Variants in GPHN observed in about 807,000 individuals in gnomAD.
GPHN encodes gephyrin.
A neutral mutation model predicts 95.5 loss-of-function variants in GPHN; 17 were observed. That is an observed-to-expected ratio of 0.18 (90% CI 0.12 to 0.27). The LOEUF is 0.27. GPHN is among the 10% of genes least tolerant of loss of function. The pLI is 1.00. For synonymous variants in GPHN, 320 were observed against 322.5 expected (o/e 0.99, Z 0.08); for missense variants, 660 against 978.1 (o/e 0.67, Z 4.34).
At chr14:67,393,233 A>G in the GPHN span, 1 of 1,612,728 alleles carries the variant, frequency 6.2e-7, no homozygotes, top group Non-Finnish European at 8.5e-7. Context: ...CATCTTGTCC[A>G]CAATGCGACT....
chr14:66,646,797 A>G (rs2064772386), intron 1 of GPHN, among the ~76,000 whole-genome samples: 1 of 152,184 alleles, frequency 6.6e-6, no homozygotes, highest in African/African-American at 2.4e-5. Flanking sequence ...GTTTGGTCAC[A>G]CAACAGGGTA....
At chr14:66,633,352 CAA>C (rs36079154) in intron 1 of GPHN, among the ~76,000 whole-genome samples, 1 of 152,060 alleles carries the variant, frequency 6.6e-6, no homozygotes, top group African/African-American at 2.4e-5. Context: ...AAGGAATCAA[CAA>C]AAAGTGTTTT....
At chr14:67,651,473 G>T in the GPHN span, 1 of 1,613,768 alleles carries the variant, frequency 6.2e-7, no homozygotes, top group Non-Finnish European at 8.5e-7. Flanking sequence ...CAGCTTGTTG[G>T]TTGTCACTCT....
At chr14:67,322,135 C>G in the GPHN span, among the ~76,000 whole-genome samples, 4 of 152,138 alleles carry the variant, frequency 2.6e-5, no homozygotes, top group South Asian at 8.3e-4. Context: ...CACTTGAGTT[C>G]AGGAGTTCCA....
chr14:67,486,553 G>A, the GPHN span, among the ~76,000 whole-genome samples: 10 of 152,180 alleles, frequency 6.6e-5, no homozygotes, highest in South Asian at 4.1e-4. Flanking sequence ...GATTACAGGC[G>A]TGAGCCACAG....
chr14:66,896,670 T>G (rs929388037), intron 5 of GPHN, among the ~76,000 whole-genome samples: 2 of 152,024 alleles, frequency 1.3e-5, no homozygotes, highest in Non-Finnish European at 2.9e-5. Context: ...TTTTTTAAAG[T>G]TAAGTATGCA....
At chr14:67,680,027 C>T in the GPHN span, among the ~76,000 whole-genome samples, 1 of 152,198 alleles carries the variant, frequency 6.6e-6, no homozygotes, top group Admixed American at 6.5e-5. Flanking sequence ...GCACCACAAA[C>T]CAGCAGCAGG....
the GPHN span, among the ~76,000 whole-genome samples, chr14:67,628,170 T>A: frequency 6.6e-6 from 1 of 152,206 alleles, no homozygotes; most frequent in Admixed American, 6.5e-5. Context: ...TAGTGACCTA[T>A]TTCTTTGGGT....
At chr14:67,059,020 A>C in intron 11 of GPHN, 1 of 567,482 alleles carries the variant, frequency 1.8e-6, no homozygotes, top group Admixed American at 3.3e-5. Flanking sequence ...AAAGGAAAAA[A>C]AAAAAAAAAG....
chr14:66,595,569 A>G (rs1566673281), intron 1 of GPHN, among the ~76,000 whole-genome samples: 2 of 152,112 alleles, frequency 1.3e-5, no homozygotes, highest in South Asian at 2.1e-4. Context: ...ACAGCCAGGC[A>G]CACTAGTTGT....
chr14:67,251,351 A>G, the GPHN span, among the ~76,000 whole-genome samples: 1 of 152,168 alleles, frequency 6.6e-6, no homozygotes, highest in African/African-American at 2.4e-5. Flanking sequence ...TGGGCAACAC[A>G]GTGGGACCCT....
chr14:66,927,563 C>T (rs1211355466), intron 8 of GPHN, among the ~76,000 whole-genome samples: 1 of 152,062 alleles, frequency 6.6e-6, no homozygotes, highest in Non-Finnish European at 1.5e-5. Flanking sequence ...CTAGCTAGCA[C>T]TTCCAATGCT....
chr14:66,613,447 A>C (rs2062868331), intron 1 of GPHN, among the ~76,000 whole-genome samples: 1 of 152,126 alleles, frequency 6.6e-6, no homozygotes. Flanking sequence ...GGCAAAAAAT[A>C]GATCATGAAA....
intron 1 of GPHN, among the ~76,000 whole-genome samples, chr14:66,562,714 T>A (rs2060314063): frequency 6.6e-6 from 1 of 152,100 alleles, no homozygotes; most frequent in Non-Finnish European, 1.5e-5. Context: ...CAATGGAAGA[T>A]AAGGGATAGT....
At position 66,918,323 on chromosome 14, in the gene GPHN, C is replaced by T. The variant is rs191184154; in HGVS notation, c.456+2254C>T. ...TCACCTGAGCCTTTGGTATCCAGAG[C>T]TTTTATTGGGACTCAAACACTTACT... On this transcript the variant is annotated intron_variant, in intron 6 of 22. Coordinates refer to ENST00000478722, the MANE Select transcript of GPHN (RefSeq NM_020806.5). 1.5e-3 allele frequency among the ~76,000 whole-genome samples: 233 copies of T among 152,204 alleles called. 6 individuals carry two copies. The highest frequency in any genetic ancestry group is 9.7e-4 in the East Asian group (5 of 5,152).
the GPHN span, among the ~76,000 whole-genome samples, chr14:67,347,146 G>C: frequency 6.6e-5 from 10 of 151,984 alleles, no homozygotes; most frequent in African/African-American, 2.4e-4. Context: ...ACCACACCTG[G>C]CTGATTTTTT....
intron 1 of GPHN, among the ~76,000 whole-genome samples, chr14:66,607,949 C>T (rs933219614): frequency 2.0e-5 from 3 of 150,858 alleles, no homozygotes; most frequent in Admixed American, 2.0e-4. Context: ...TAAACCTACT[C>T]TTCTTTCCAT....
the GPHN span, chr14:67,695,873 C>T: frequency 9.8e-6 from 6 of 610,134 alleles, no homozygotes; most frequent in East Asian, 1.1e-4. Context: ...GGGAGCGCTG[C>T]CGCCAACGCT....
chr14:66,712,893 T>C (rs1160104427), intron 2 of GPHN, among the ~76,000 whole-genome samples: 1 of 152,168 alleles, frequency 6.6e-6, no homozygotes, highest in Non-Finnish European at 1.5e-5. Flanking sequence ...TCTCTGATCA[T>C]TGGTGATGTT....
Sources: allele counts gnomAD v4.1 joint callset (sites outside exome capture counted in the v4.1 genomes callset), GRCh38; gene constraint gnomAD v4.1.1; transcripts MANE v1.5; gene names NCBI Gene and HGNC (gene_info 2026-07-23, HGNC 2026-07-21).